Variants in MYO16 observed in about 807,000 individuals in gnomAD.
The protein encoded by MYO16 is myosin XVI.
In MYO16, 94 loss-of-function variants were observed where a neutral mutation model predicts 205.3. The ratio of observed to expected loss-of-function variants is 0.46; its 90% CI spans 0.39 to 0.54. MYO16 has a LOEUF of 0.54. Among genes scored for constraint, MYO16 ranks in the 20% least tolerant of loss-of-function variants. The pLI, the probability that MYO16 is intolerant of heterozygous loss-of-function variation, is 0.00. For missense variants in MYO16, 2,315 were observed against 2,387.5 expected (o/e 0.97, Z 0.63); for synonymous variants, 988 against 954.0 (o/e 1.04, Z -0.66).
chr13:108,699,707 A>T (rs1883226634), intron 2 of MYO16, among the ~76,000 whole-genome samples: 1 of 152,198 alleles, frequency 6.6e-6, no homozygotes, highest in Non-Finnish European at 1.5e-5. Flanking sequence ...TTTGTACCAC[A>T]ATTGGATATG....
At chr13:108,547,271 CAA>C in the MYO16 span, among the ~76,000 whole-genome samples, 39 of 92,302 alleles carry the variant, frequency 4.2e-4, no homozygotes, top group Admixed American at 4.9e-4. Context: ...GACTCTGTCT[CAA>C]AAAAAAAAAA....
chr13:108,934,811 A>G (rs976899245), intron 16 of MYO16, among the ~76,000 whole-genome samples: 1 of 152,136 alleles, frequency 6.6e-6, no homozygotes, highest in Admixed American at 6.5e-5. Context: ...ATGGTGAAAG[A>G]TAGGGGTCCA....
chr13:109,141,670 G>C lies in MYO16; in HGVS notation c.5164+294G>C, dbSNP rs1196506893. 2.0e-5 allele frequency among the ~76,000 whole-genome samples: 3 copies of C among 152,192 alleles called. No homozygotes were observed. The highest frequency in any genetic ancestry group is 1.3e-4 in the Admixed American group (2 of 15,282). On this transcript the variant is annotated intron_variant, in intron 32 of 34. Transcript: ENST00000457511. The surrounding 1 kb of genome is among the most constrained non-coding windows in gnomAD (Gnocchi z 4.1). ...CTTGATAAATGTTCGACAGAGCAAG[G>C]TTAAATGTTAGCTACTAATTTCTTT...
intron 22 of MYO16, among the ~76,000 whole-genome samples, chr13:109,013,400 A>G (rs1885685168): frequency 6.6e-6 from 1 of 152,086 alleles, no homozygotes; most frequent in Admixed American, 6.5e-5. Context: ...AAGTCTTTGT[A>G]TTGTGAATAG....
the MYO16 span, among the ~76,000 whole-genome samples, chr13:108,565,842 A>C: frequency 2.6e-5 from 4 of 152,038 alleles, no homozygotes; most frequent in Non-Finnish European, 4.4e-5. Context: ...TATTACGTTG[A>C]GGTTATGTTC....
chr13:108,966,392 T>A (rs1883794611), intron 20 of MYO16, among the ~76,000 whole-genome samples: 1 of 152,212 alleles, frequency 6.6e-6, no homozygotes, highest in Non-Finnish European at 1.5e-5. Context: ...AAATTTTCAT[T>A]TGACATTTAA....
rs10557146 is a variant in MYO16 at position 109,055,246 on chromosome 13, T to TACACACACAC, written c.3130-124_3130-115dup. Reference sequence around the variant, plus strand: ...AATATCTTCACAAAAAAAGTAAACATACACACACACACACACACACACACA... The same window carrying TACACACACAC: ...AATATCTTCACAAAAAAAGTAAACATACACACACACACACACACACACACACACACACACA... On this transcript the variant is annotated intron_variant, in intron 26 of 34. Coordinates refer to ENST00000457511, the MANE Select transcript of MYO16 (RefSeq NM_001198950.3). This position sits in a 1 kb window ranked among gnomAD's most constrained non-coding sequence, Gnocchi z 5.0. 2.5e-4 allele frequency: 165 copies of TACACACACAC among 658,666 alleles called. No homozygotes were observed. The highest frequency in any genetic ancestry group is 1.9e-3 in the East Asian group (62 of 33,202). The allele number at this position is 658,666 out of a possible 1,614,324, so 40.8% of individuals were successfully genotyped here.
At chr13:108,890,107 T>TTA (rs1194954966) in intron 14 of MYO16, among the ~76,000 whole-genome samples, 1 of 139,964 alleles carries the variant, frequency 7.1e-6, no homozygotes, top group Non-Finnish European at 1.6e-5. Context: ...TTTTTGTATT[T>TTA]TTTTTTTTTT....
At chr13:108,840,950 G>C (rs970050986) in intron 9 of MYO16, among the ~76,000 whole-genome samples, 3 of 152,170 alleles carry the variant, frequency 2.0e-5, no homozygotes, top group Non-Finnish European at 4.4e-5. Context: ...AGTTGAGATT[G>C]TCAGTATTTC....
At chr13:108,506,578 G>A in the MYO16 span, among the ~76,000 whole-genome samples, 2 of 152,130 alleles carry the variant, frequency 1.3e-5, no homozygotes, top group Non-Finnish European at 2.9e-5. Context: ...GTGTATGTGT[G>A]TGTGTGTGTG....
At chr13:108,558,167 T>C in the MYO16 span, among the ~76,000 whole-genome samples, 1 of 152,256 alleles carries the variant, frequency 6.6e-6, no homozygotes, top group Admixed American at 6.5e-5. Flanking sequence ...AAGATAAAGG[T>C]GCCAGAGCTT....
At chr13:108,981,217 T>G (rs557478568) in intron 20 of MYO16, among the ~76,000 whole-genome samples, 1 of 152,304 alleles carries the variant, frequency 6.6e-6, no homozygotes, top group East Asian at 1.9e-4. Flanking sequence ...TCTCTCTGGA[T>G]CTCCAGCATG....
chr13:108,898,420 C>A (rs2139205129), intron 15 of MYO16, among the ~76,000 whole-genome samples: 1 of 146,548 alleles, frequency 6.8e-6, no homozygotes, highest in Admixed American at 6.9e-5. Flanking sequence ...GTGATAAGTG[C>A]TGAAGTTATT....
chr13:108,860,090 G>A (rs974416899), intron 11 of MYO16, among the ~76,000 whole-genome samples: 2 of 150,764 alleles, frequency 1.3e-5, no homozygotes, highest in Non-Finnish European at 2.9e-5. Context: ...GAGGTTTGTT[G>A]TACAGATTAT....
chr13:108,736,410 C>A (rs1281600678), intron 4 of MYO16, among the ~76,000 whole-genome samples: 1 of 152,072 alleles, frequency 6.6e-6, no homozygotes, highest in African/African-American at 2.4e-5. Context: ...AATCCTTTCC[C>A]CATTTCTTGT....
chr13:108,622,816 C>T (rs1396815111), intron 1 of MYO16, among the ~76,000 whole-genome samples: 4 of 152,040 alleles, frequency 2.6e-5, no homozygotes, highest in African/African-American at 9.7e-5. Context: ...ACTCACAGAG[C>T]ATCCTGGCAC....
intron 4 of MYO16, among the ~76,000 whole-genome samples, chr13:108,753,138 G>A (rs537831886): frequency 2.4e-4 from 37 of 151,784 alleles, no homozygotes; most frequent in Admixed American, 3.3e-4. Context: ...GGGAGGCCGA[G>A]GTGGGTGGAT....
At chr13:109,193,358 G>A (rs1190821729) in intron 34 of MYO16, among the ~76,000 whole-genome samples, 5 of 152,236 alleles carry the variant, frequency 3.3e-5, no homozygotes, top group Middle Eastern at 3.4e-3. Context: ...GTTCTCAAGT[G>A]GGTGACTCTA....
chr13:108,938,865 T>C (rs1307012464), intron 16 of MYO16, among the ~76,000 whole-genome samples: 1 of 151,990 alleles, frequency 6.6e-6, no homozygotes, highest in Non-Finnish European at 1.5e-5. Flanking sequence ...TGCACCACAA[T>C]CTCAGGGGAG....
Sources: gnomAD v4.1 joint callset for allele counts (sites outside exome capture counted in the v4.1 genomes callset) on GRCh38, gnomAD v4.1.1 for gene constraint, Gnocchi (gnomAD v3.1) non-coding constraint, MANE v1.5 for transcripts, NCBI Gene and HGNC (gene_info 2026-07-23, HGNC 2026-07-21) for gene names.